PCDH7: variants seen among roughly 807,000 people sequenced by gnomAD.
PCDH7 encodes protocadherin-7.
In PCDH7, 17 loss-of-function variants were observed where a neutral mutation model predicts 58.9. That is an observed-to-expected ratio of 0.29 (90% CI 0.20 to 0.43). PCDH7 has a LOEUF of 0.43. PCDH7 is among the 20% of genes least tolerant of loss of function. The pLI is 1.00. For synonymous variants in PCDH7, 664 were observed against 616.4 expected (o/e 1.08, Z -1.14); for missense variants, 1,274 against 1,441.0 (o/e 0.88, Z 1.88).
At chr4:31,136,293 A>G (rs570267411) in intron 3 of PCDH7, among the ~76,000 whole-genome samples, 3 of 152,298 alleles carry the variant, frequency 2.0e-5, no homozygotes, top group South Asian at 4.1e-4. Flanking sequence ...TTATCCCACA[A>G]TAAATGGGGG....
downstream of PCDH7, among the ~76,000 whole-genome samples, chr4:30,733,321 A>G (rs903380465): frequency 2.0e-5 from 3 of 152,228 alleles, no homozygotes; most frequent in Non-Finnish European, 4.4e-5. Context: ...TCCTTTGGAT[A>G]AAGTTTTTTC....
chr4:30,897,126 G>A (rs1313283815), intron 1 of PCDH7, among the ~76,000 whole-genome samples: 1 of 151,636 alleles, frequency 6.6e-6, no homozygotes, highest in East Asian at 1.9e-4. Flanking sequence ...GGTTGTTCTT[G>A]ATCTCCTGAC....
At chr4:30,977,348 A>C (rs932037646) in intron 3 of PCDH7, among the ~76,000 whole-genome samples, 1 of 152,234 alleles carries the variant, frequency 6.6e-6, no homozygotes, top group African/African-American at 2.4e-5. Flanking sequence ...ATTCCCCCAG[A>C]TAATTTGGCC....
chr4:30,802,414 C>A (rs1015158287), intron 1 of PCDH7, among the ~76,000 whole-genome samples: 3 of 151,738 alleles, frequency 2.0e-5, no homozygotes, highest in African/African-American at 7.3e-5. Context: ...GAAGGATGAT[C>A]TCTTTTACAA....
In PCDH7 at chr4:31,012,772, G is replaced by A. The variant is rs1195672729; in HGVS notation, c.*7+62557G>A. 2.7e-5 allele frequency among the ~76,000 whole-genome samples: 4 copies of A among 150,780 alleles called. 1 individual carries two copies. The East Asian group carries it at 6.5e-4, about 25-fold the overall frequency. ...TAATCCCAGCACTTTAGGAAGCCTA[G>A]GCAGGAGAATTGCTTGAGGCCAGGA... On this transcript the variant is annotated intron_variant, in intron 3 of 3. Coordinates refer to the PCDH7 transcript ENST00000509759.
chr4:30,859,991 G>A (rs1733993702), intron 1 of PCDH7, among the ~76,000 whole-genome samples: 1 of 152,144 alleles, frequency 6.6e-6, no homozygotes, highest in African/African-American at 2.4e-5. Context: ...GAATCTTTCA[G>A]GTTTCATTGG....
chr4:30,922,233 C>T, intron 2 of PCDH7, among the ~76,000 whole-genome samples: 1 of 151,640 alleles, frequency 6.6e-6, no homozygotes, highest in African/African-American at 2.4e-5. Flanking sequence ...ATAAATAGAG[C>T]ATACCTAGGA....
chr4:31,096,024 T>C (rs947488032), intron 3 of PCDH7, among the ~76,000 whole-genome samples: 3 of 152,188 alleles, frequency 2.0e-5, no homozygotes, highest in Non-Finnish European at 2.9e-5. Context: ...GGCAAATAGC[T>C]GCTGTATTAA....
intron 1 of PCDH7, among the ~76,000 whole-genome samples, chr4:30,800,096 G>T (rs555439315): frequency 6.6e-6 from 1 of 151,570 alleles, no homozygotes; most frequent in African/African-American, 2.4e-5. Context: ...CTGACCTCAT[G>T]ATCTGCCCAC....
intron 1 of PCDH7, among the ~76,000 whole-genome samples, chr4:30,742,176 A>AT (rs891253067): frequency 1.8e-4 from 28 of 151,494 alleles, no homozygotes; most frequent in South Asian, 6.3e-4. Context: ...TTGATTTTTG[A>AT]TTTTTTTTTG....
At chr4:31,049,199 T>A (rs1385601938) in intron 3 of PCDH7, among the ~76,000 whole-genome samples, 1 of 152,038 alleles carries the variant, frequency 6.6e-6, no homozygotes, top group Admixed American at 6.6e-5. Flanking sequence ...CCTTCCTGTG[T>A]CCATGTGCTC....
At chr4:30,973,584 CA>C in intron 3 of PCDH7, among the ~76,000 whole-genome samples, 1 of 152,142 alleles carries the variant, frequency 6.6e-6, no homozygotes, top group Non-Finnish European at 1.5e-5. Context: ...CCATTAAAAG[CA>C]GGGAGGATAA....
At chr4:30,758,606 C>T (rs2109266126) in intron 1 of PCDH7, among the ~76,000 whole-genome samples, 1 of 152,290 alleles carries the variant, frequency 6.6e-6, no homozygotes, top group Non-Finnish European at 1.5e-5. Flanking sequence ...ACATCTCCAT[C>T]TGCAATAGCA....
chr4:30,859,628 A>G (rs1173589453), intron 1 of PCDH7, among the ~76,000 whole-genome samples: 11 of 151,728 alleles, frequency 7.2e-5, no homozygotes, highest in Non-Finnish European at 1.5e-4. Flanking sequence ...TTAGTAGAGA[A>G]GGAGTTTCAC....
intron 1 of PCDH7, among the ~76,000 whole-genome samples, chr4:30,770,248 G>T (rs1181661598): frequency 6.6e-6 from 1 of 152,132 alleles, no homozygotes; most frequent in East Asian, 1.9e-4. Flanking sequence ...TTCCACCAGT[G>T]CTACTAACGT....
At chr4:31,116,908 T>C (rs1717063640) in intron 3 of PCDH7, among the ~76,000 whole-genome samples, 1 of 152,198 alleles carries the variant, frequency 6.6e-6, no homozygotes, top group Non-Finnish European at 1.5e-5. Flanking sequence ...CGATCTCGGC[T>C]CACTGCAACC....
At chr4:30,754,017 ATATTTT>A (rs1322900556) in intron 1 of PCDH7, among the ~76,000 whole-genome samples, 1 of 152,224 alleles carries the variant, frequency 6.6e-6, no homozygotes, top group Non-Finnish European at 1.5e-5. Context: ...CTTTTAAAAT[ATATTTT>A]TATAAGTTAC....
intron 3 of PCDH7, among the ~76,000 whole-genome samples, chr4:30,974,817 C>T (rs1296869853): frequency 1.3e-5 from 2 of 150,174 alleles, no homozygotes; most frequent in Non-Finnish European, 3.0e-5. Context: ...ATAGGGTGGG[C>T]GATGGGGGCA....
At chr4:31,132,832 G>A (rs983384831) in intron 3 of PCDH7, among the ~76,000 whole-genome samples, 2 of 152,146 alleles carry the variant, frequency 1.3e-5, no homozygotes, top group African/African-American at 2.4e-5. Context: ...CTGGTTTGAA[G>A]CAAATGTTGA....
Sources: gnomAD v4.1 joint callset for allele counts (sites outside exome capture counted in the v4.1 genomes callset) on GRCh38, gnomAD v4.1.1 for gene constraint, MANE v1.5 for transcripts, NCBI Gene and HGNC (gene_info 2026-07-23, HGNC 2026-07-21) for gene names.